CTNNA2: variants seen among roughly 807,000 people sequenced by gnomAD.
CTNNA2 encodes catenin alpha-2.
Under a neutral mutation model 101.0 loss-of-function variants are expected in CTNNA2, and 42 were observed. That is an observed-to-expected ratio of 0.42 (90% confidence interval 0.32 to 0.54). The LOEUF (loss-of-function observed/expected upper bound fraction) is 0.54. CTNNA2 is among the 20% of genes least tolerant of loss of function. The pLI is 0.14. For missense variants in CTNNA2, 871 were observed against 1,223.1 expected (o/e 0.71, Z 4.29); for synonymous variants, 450 against 456.4 (o/e 0.99, Z 0.18).
intron 9 of CTNNA2, among the ~76,000 whole-genome samples, chr2:80,523,810 T>C (rs1689787601): frequency 6.6e-6 from 1 of 152,156 alleles, no homozygotes; most frequent in Admixed American, 6.5e-5. Flanking sequence ...GGACAACGTT[T>C]TAATATAACC....
At chr2:79,339,156 G>A (rs568736458) in intron 3 of CTNNA2, among the ~76,000 whole-genome samples, 22 of 152,244 alleles carry the variant, frequency 1.4e-4, no homozygotes, top group African/African-American at 5.1e-4. Context: ...CTAGCACTGA[G>A]CCCTGAGAAG....
intron 3 of CTNNA2, among the ~76,000 whole-genome samples, chr2:79,771,515 C>T (rs948042647): frequency 6.6e-5 from 10 of 152,138 alleles, no homozygotes; most frequent in Non-Finnish European, 1.3e-4. Context: ...AGCTTGTTTT[C>T]CTGCAACTGG....
At chr2:79,701,036 A>G (rs1332557423) in intron 2 of CTNNA2, among the ~76,000 whole-genome samples, 1 of 152,134 alleles carries the variant, frequency 6.6e-6, no homozygotes, top group East Asian at 1.9e-4. Context: ...TTGATGAAAA[A>G]CAAAATATAG....
At chr2:79,850,955 A>C (rs971080067) in intron 3 of CTNNA2, among the ~76,000 whole-genome samples, 1 of 152,180 alleles carries the variant, frequency 6.6e-6, no homozygotes, top group African/African-American at 2.4e-5. Flanking sequence ...CCACCCTGCT[A>C]CACCACCCCC....
At chr2:80,466,179 G>T (rs78045048) in intron 9 of CTNNA2, among the ~76,000 whole-genome samples, 2 of 152,062 alleles carry the variant, frequency 1.3e-5, no homozygotes, top group Admixed American at 6.6e-5. Flanking sequence ...GCATTCTAGC[G>T]TATAAAGTAA....
At chr2:80,433,192 G>T (rs935917017) in intron 9 of CTNNA2, among the ~76,000 whole-genome samples, 11 of 152,046 alleles carry the variant, frequency 7.2e-5, no homozygotes, top group Non-Finnish European at 1.3e-4. Context: ...AACCTAATTT[G>T]CAATTTACAT....
chr2:79,933,756 T>C (rs1417929869), intron 7 of CTNNA2, among the ~76,000 whole-genome samples: 2 of 152,184 alleles, frequency 1.3e-5, no homozygotes, highest in African/African-American at 4.8e-5. Flanking sequence ...CACCCAGCCC[T>C]GGAATTACTA....
At chr2:79,909,949 C>A (rs1685672877) in intron 7 of CTNNA2, 152 bp downstream of exon 7, 3 of 717,414 alleles carry the variant, frequency 4.2e-6, no homozygotes, top group East Asian at 6.3e-5. Context: ...TGGGAGAGCG[C>A]GTGTCGTGTG....
At chr2:80,607,202 T>C (rs1239974513) in intron 16 of CTNNA2, among the ~76,000 whole-genome samples, 1 of 151,890 alleles carries the variant, frequency 6.6e-6, no homozygotes, top group African/African-American at 2.4e-5. Context: ...ACTTCAGTTG[T>C]GGCTGTAGGT....
chr2:80,381,821 T>G (rs925212620), intron 7 of CTNNA2, among the ~76,000 whole-genome samples: 1 of 152,208 alleles, frequency 6.6e-6, no homozygotes, highest in African/African-American at 2.4e-5. Flanking sequence ...TTCTCATCTC[T>G]TAGAAGCACC....
At chr2:80,520,644 C>A (rs1303673928) in intron 9 of CTNNA2, among the ~76,000 whole-genome samples, 2 of 152,154 alleles carry the variant, frequency 1.3e-5, no homozygotes, top group Admixed American at 6.5e-5. Context: ...CTTATAAAGG[C>A]ACTATTCCCA....
chr2:79,858,151 T>C lies in CTNNA2; in HGVS notation c.437T>C (p.Val146Ala). 1.2e-6 allele frequency: 2 copies of C among 1,613,648 alleles called. No individual in the cohort carries two copies. Among genetic ancestry groups the C allele is most frequent in the Non-Finnish European group, 1.7e-6 (2 of 1,179,598 alleles). ...RLLILADMAD[V>A]MRLLSHLKIV... ...CTCATCCTGGCGGACATGGCAGATGTCATGAGACTTTTATCCCATCTGAAA... is the reference window on the plus strand; with the variant it reads ...CTCATCCTGGCGGACATGGCAGATGCCATGAGACTTTTATCCCATCTGAAA... Residue 146 changes from valine to alanine, a missense_variant, in exon 4 of 19, where the codon GTC becomes GCC. Physicochemically the swap from Val to Ala is moderately conservative, Grantham distance 64 (BLOSUM62 0). This residue lies in a region of CTNNA2 where 647 missense variants were observed against 831.5 expected (regional missense o/e 0.78). Coordinates refer to ENST00000402739, the MANE Select transcript of CTNNA2 (RefSeq NM_001282597.3).
intron 4 of CTNNA2, among the ~76,000 whole-genome samples, chr2:79,412,573 A>C (rs974537722): frequency 1.3e-5 from 2 of 152,050 alleles, no homozygotes; most frequent in Admixed American, 1.3e-4. Flanking sequence ...ATCAAACTAG[A>C]ACTCAGGATT....
At chr2:80,081,491 T>TCTCCCTCC (rs200076866) in intron 7 of CTNNA2, among the ~76,000 whole-genome samples, 4 of 151,026 alleles carry the variant, frequency 2.6e-5, no homozygotes, top group Non-Finnish European at 5.9e-5. Context: ...TCTGTCTCTC[T>TCTCCCTCC]CTCCCTCCCT....
chr2:80,393,949 G>A (rs1178291790), intron 8 of CTNNA2, among the ~76,000 whole-genome samples: 2 of 152,166 alleles, frequency 1.3e-5, no homozygotes, highest in African/African-American at 4.8e-5. Flanking sequence ...TGGCCATGAT[G>A]AACTCCTCTT....
intron 2 of CTNNA2, among the ~76,000 whole-genome samples, chr2:79,282,213 T>C (rs1224672980): frequency 1.3e-5 from 2 of 152,098 alleles, no homozygotes; most frequent in Non-Finnish European, 2.9e-5. Context: ...TATCTTTTTC[T>C]TTAAATCTTT....
intron 6 of CTNNA2, among the ~76,000 whole-genome samples, chr2:79,906,393 CT>C (rs1320487420): frequency 2.0e-5 from 3 of 152,122 alleles, no homozygotes; most frequent in Non-Finnish European, 2.9e-5. Context: ...GTGCACTGGC[CT>C]TTTTTCTTTG....
intron 4 of CTNNA2, among the ~76,000 whole-genome samples, chr2:79,386,355 C>T (rs149544057): frequency 2.0e-4 from 30 of 152,242 alleles, no homozygotes; most frequent in South Asian, 6.2e-4. Context: ...ACAGGAAGAA[C>T]GGCATAACTC....
intron 2 of CTNNA2, among the ~76,000 whole-genome samples, chr2:79,742,548 T>A (rs1671362022): frequency 6.6e-6 from 1 of 152,178 alleles, no homozygotes; most frequent in African/African-American, 2.4e-5. Flanking sequence ...GTTGAGGTTC[T>A]TGGAAGAGTA....
Sources: gnomAD v4.1 joint callset for allele counts (sites outside exome capture counted in the v4.1 genomes callset) on GRCh38, gnomAD v4.1.1 for gene constraint, gnomAD v4.1.1 regional missense constraint, MANE v1.5 for transcripts, NCBI Gene and HGNC (gene_info 2026-07-23, HGNC 2026-07-21) for gene names.